CNTN4: variants seen among roughly 807,000 people sequenced by gnomAD.
The protein encoded by CNTN4 is contactin 4.
Under a neutral mutation model 122.5 loss-of-function variants are expected in CNTN4, and 77 were observed. The observed-to-expected ratio is 0.63, with a 90% CI of 0.52 to 0.76. The LOEUF is 0.76. CNTN4 is among the 30% of genes least tolerant of loss of function. CNTN4 has a pLI of 0.00. For synonymous variants in CNTN4, 512 were observed against 447.0 expected (o/e 1.15, Z -1.83); for missense variants, 1,256 against 1,259.1 (o/e 1.00, Z 0.04).
At chr3:2,719,905 A>G (rs1332443510) in intron 4 of CNTN4, among the ~76,000 whole-genome samples, 1 of 152,196 alleles carries the variant, frequency 6.6e-6, no homozygotes, top group Non-Finnish European at 1.5e-5. Flanking sequence ...GTTCTGCTAT[A>G]TACCAGCTTA....
intron 4 of CNTN4, among the ~76,000 whole-genome samples, chr3:2,698,251 T>A (rs564882165): frequency 6.6e-6 from 1 of 152,242 alleles, no homozygotes; most frequent in East Asian, 1.9e-4. Context: ...TTTATGGCTA[T>A]GAGAAAATTG....
intron 12 of CNTN4, among the ~76,000 whole-genome samples, chr3:2,909,187 T>A (rs1315646559): frequency 1.3e-5 from 2 of 152,216 alleles, no homozygotes; most frequent in East Asian, 3.9e-4. Context: ...AGAGGACACA[T>A]GCCTTTCTTA....
At position 2,301,126 on chromosome 3, in the gene CNTN4, C is replaced by G. The variant is rs116814772; in HGVS notation, c.-144-38052C>G. On this transcript the variant is annotated intron_variant, in intron 2 of 24. Coordinates refer to ENST00000418658, the MANE Select transcript of CNTN4 (RefSeq NM_175607.3). ...TCTCAATCCGCCAGATGTTCTGGTACTGAACAATAGCTGTACAATAATAAT... is the reference window on the plus strand; with the variant it reads ...TCTCAATCCGCCAGATGTTCTGGTAGTGAACAATAGCTGTACAATAATAAT... 5.5e-3 allele frequency among the ~76,000 whole-genome samples: 830 copies of G among 152,270 alleles called. 13 individuals carry two copies. Among genetic ancestry groups the G allele is most frequent in the African/African-American group, 0.019 (804 of 41,552 alleles).
At chr3:3,052,758 T>C (rs1461783486) in intron 23 of CNTN4, among the ~76,000 whole-genome samples, 3 of 152,200 alleles carry the variant, frequency 2.0e-5, no homozygotes, top group Non-Finnish European at 4.4e-5. Flanking sequence ...GCTGCAGATA[T>C]GTCCAGGGTG....
intron 13 of CNTN4, among the ~76,000 whole-genome samples, chr3:2,983,082 CG>C (rs1694188444): frequency 1.3e-5 from 2 of 151,082 alleles, no homozygotes; most frequent in Non-Finnish European, 3.0e-5. Flanking sequence ...GGCATGGTGG[CG>C]GGTGCCTGTA....
chr3:2,921,247 G>A (rs2094427065), intron 12 of CNTN4, among the ~76,000 whole-genome samples: 1 of 152,136 alleles, frequency 6.6e-6, no homozygotes, highest in South Asian at 2.1e-4. Context: ...GTGTCACCGA[G>A]GCTGGTCTTG....
At chr3:3,039,120 T>C (rs570448891) in intron 19 of CNTN4, 117 bp downstream of exon 19, 2 of 929,976 alleles carry the variant, frequency 2.2e-6, no homozygotes, top group South Asian at 1.4e-5. Context: ...GAAAATTCAT[T>C]TGGGTTCAGA....
In CNTN4 at chr3:2,778,092, T is replaced by C. The variant is rs1282532484; in HGVS notation, c.358+32395T>C. Among the ~76,000 whole-genome samples, 2 of 144,378 alleles carry C rather than the reference T, an allele frequency of 1.4e-5. 1 individual carries two copies. The highest frequency in any genetic ancestry group is 1.4e-4 in the Admixed American group (2 of 14,718). 94.7% of individuals were successfully genotyped at this position (144,378 alleles called of 152,430 possible). ...AGCCGGGCGTGGTGGCGGGCGCCTG[T>C]AGTCCCAGCTACTCAGGAGGCTGAG... On this transcript the variant is annotated intron_variant, in intron 6 of 24. Transcript: ENST00000418658.
At chr3:2,894,506 A>G (rs1209117501) in intron 10 of CNTN4, among the ~76,000 whole-genome samples, 1 of 152,196 alleles carries the variant, frequency 6.6e-6, no homozygotes, top group Non-Finnish European at 1.5e-5. Context: ...GTACAAGTCT[A>G]CTTAACCTGA....
intron 2 of CNTN4, among the ~76,000 whole-genome samples, chr3:2,207,671 G>A (rs1477342858): frequency 6.6e-6 from 1 of 152,084 alleles, no homozygotes; most frequent in African/African-American, 2.4e-5. Context: ...AAAGAAACCA[G>A]CAAGTGTGAT....
At chr3:2,696,839 G>C (rs1390423524) in intron 4 of CNTN4, among the ~76,000 whole-genome samples, 1 of 144,428 alleles carries the variant, frequency 6.9e-6, no homozygotes, top group Non-Finnish European at 1.5e-5. Flanking sequence ...CATAAGAGTT[G>C]TGTCTCATGA....
chr3:2,902,126 C>T (rs1371280074), intron 11 of CNTN4, among the ~76,000 whole-genome samples: 1 of 152,162 alleles, frequency 6.6e-6, no homozygotes, highest in Non-Finnish European at 1.5e-5. Context: ...TAACTCACAA[C>T]CCTGCGGCAA....
chr3:2,166,620 C>G (rs1451921182), intron 2 of CNTN4, among the ~76,000 whole-genome samples: 1 of 152,026 alleles, frequency 6.6e-6, no homozygotes, highest in South Asian at 2.1e-4. Flanking sequence ...AAAATGCAAT[C>G]ATTTTTGTCT....
intron 4 of CNTN4, among the ~76,000 whole-genome samples, chr3:2,575,786 A>G (rs2079635961): frequency 2.1e-5 from 3 of 145,850 alleles, no homozygotes; most frequent in Non-Finnish European, 3.0e-5. Context: ...CTGAATAATG[A>G]TATATTTTGC....
intron 3 of CNTN4, among the ~76,000 whole-genome samples, chr3:2,453,134 G>A (rs139391969): frequency 3.1e-4 from 47 of 151,912 alleles, no homozygotes; most frequent in African/African-American, 1.1e-3. Context: ...GACCTAATTT[G>A]TGGAACAATC....
intron 3 of CNTN4, among the ~76,000 whole-genome samples, chr3:2,357,346 G>T (rs2044916177): frequency 6.6e-6 from 1 of 152,192 alleles, no homozygotes; most frequent in Admixed American, 6.5e-5. Context: ...GTTTGTAACA[G>T]TGTTGGAATT....
intron 2 of CNTN4, among the ~76,000 whole-genome samples, chr3:2,189,980 C>G (rs2037451351): frequency 6.6e-6 from 1 of 152,142 alleles, no homozygotes; most frequent in Admixed American, 6.6e-5. Flanking sequence ...TCTCCTCATA[C>G]AGGAAGGTGA....
chr3:2,174,214 G>A (rs2036645174), intron 2 of CNTN4, among the ~76,000 whole-genome samples: 1 of 152,154 alleles, frequency 6.6e-6, no homozygotes, highest in Non-Finnish European at 1.5e-5. Flanking sequence ...AGAGGCTATA[G>A]TTGTTCATTC....
At chr3:2,517,727 G>C (rs1246019171) in intron 3 of CNTN4, among the ~76,000 whole-genome samples, 1 of 152,052 alleles carries the variant, frequency 6.6e-6, no homozygotes, top group Non-Finnish European at 1.5e-5. Context: ...TTGCCTCCTC[G>C]CTGGTTAGAA....
Sources: allele counts gnomAD v4.1 joint callset (sites outside exome capture counted in the v4.1 genomes callset), GRCh38; gene constraint gnomAD v4.1.1; transcripts MANE v1.5; gene names NCBI Gene and HGNC (gene_info 2026-07-23, HGNC 2026-07-21).